The following CHODL variants were observed in gnomAD, a reference collection of about 807,000 sequenced individuals.
The protein encoded by CHODL is transmembrane protein MT75.
In CHODL, 29 loss-of-function variants were observed where a neutral mutation model predicts 34.5. The observed-to-expected ratio is 0.84, with a 90% CI of 0.63 to 1.15. CHODL has a LOEUF of 1.15. Ranked by LOEUF, CHODL falls within the 50% of genes most tolerant of loss-of-function variation. The pLI is 0.00. For synonymous variants in CHODL, 125 were observed against 116.1 expected (o/e 1.08, Z -0.49); for missense variants, 332 against 332.5 (o/e 1.00, Z 0.01).
At chr21:18,095,842 G>C (rs1473301786) in intron 2 of CHODL, among the ~76,000 whole-genome samples, 3 of 152,178 alleles carry the variant, frequency 2.0e-5, no homozygotes, top group African/African-American at 7.2e-5. Flanking sequence ...TGCAAGGATG[G>C]TTCAACATAT....
At chr21:18,120,428 T>G (rs1365295331) in intron 2 of CHODL, among the ~76,000 whole-genome samples, 1 of 152,130 alleles carries the variant, frequency 6.6e-6, no homozygotes, top group Non-Finnish European at 1.5e-5. Flanking sequence ...TGTTTTTCTG[T>G]CCACATCCCT....
chr21:18,192,134 T>C lies in CHODL; in HGVS notation c.-44-64375T>C, dbSNP rs190244183. ...CTGTCCCTCCTTCTCAACACAAGCT[T>C]ATGGCAAGGGAGGATCCTTTCTCTG... is the stretch of plus-strand genomic sequence containing the variant. On this transcript the variant is annotated intron_variant, in intron 2 of 6. Coordinates refer to the CHODL transcript ENST00000400127. Among the ~76,000 whole-genome samples the C allele has an allele frequency of 3.9e-5, 6 of 152,288 alleles. No individual in the cohort carries two copies. The East Asian group carries it at 1.2e-3, about 29-fold the overall frequency.
chr21:18,216,319 G>C (rs566661350), intron 2 of CHODL, among the ~76,000 whole-genome samples: 1 of 152,172 alleles, frequency 6.6e-6, no homozygotes, highest in African/African-American at 2.4e-5. Flanking sequence ...TTTTAAAATA[G>C]ACGATAAATT....
At chr21:18,020,263 AG>A (rs2064115761) in intron 1 of CHODL, among the ~76,000 whole-genome samples, 1 of 152,188 alleles carries the variant, frequency 6.6e-6, no homozygotes, top group Non-Finnish European at 1.5e-5. Context: ...CTGGCCATCT[AG>A]GGCATCAATC....
intron 2 of CHODL, among the ~76,000 whole-genome samples, chr21:18,119,899 C>T (rs1178430165): frequency 6.6e-6 from 1 of 151,998 alleles, no homozygotes; most frequent in African/African-American, 2.4e-5. Flanking sequence ...ATCCAAGCCT[C>T]CGATTTTGAT....
chr21:18,193,630 A>G (rs1354625194), intron 2 of CHODL, among the ~76,000 whole-genome samples: 1 of 151,160 alleles, frequency 6.6e-6, no homozygotes, highest in East Asian at 1.9e-4. Context: ...CAGGAGGCAG[A>G]GGTTGCAGTG....
intron 1 of CHODL, among the ~76,000 whole-genome samples, chr21:17,946,696 A>G (rs1030095101): frequency 3.9e-5 from 6 of 152,044 alleles, no homozygotes; most frequent in East Asian, 1.9e-4. Context: ...TTTAAAGTCT[A>G]TTTTACCTGG....
chr21:18,255,111 TGAAAACCTTTAAGA>T (rs2074300697), intron 1 of CHODL, among the ~76,000 whole-genome samples: 1 of 152,096 alleles, frequency 6.6e-6, no homozygotes. Flanking sequence ...TGCTGTAACA[TGAAAACCTTTAAGA>T]TACAGGTTTA....
chr21:18,255,975 A>T (rs528665818), intron 1 of CHODL, among the ~76,000 whole-genome samples: 2 of 152,228 alleles, frequency 1.3e-5, no homozygotes, highest in South Asian at 4.2e-4. Context: ...AATTACCTTC[A>T]TTCTGTCCCC....
In CHODL at chr21:17,991,562, T is replaced by G. The variant is rs1242597671; in HGVS notation, c.-144-36310T>G. Reference sequence around the variant, plus strand: ...TGTATTCCTCTAATGATTAGTGATTTTGAGCATTTTTTAATATACCTATTG... The same window carrying G: ...TGTATTCCTCTAATGATTAGTGATTGTGAGCATTTTTTAATATACCTATTG... On this transcript the variant is annotated intron_variant, in intron 1 of 6. Transcript: ENST00000400127. Among the ~76,000 whole-genome samples the G allele has an allele frequency of 2.6e-5, 4 of 152,102 alleles. 1 individual carries two copies. In the South Asian group the frequency reaches 8.3e-4, roughly 32 times the overall value.
intron 2 of CHODL, among the ~76,000 whole-genome samples, chr21:18,136,519 C>A (rs1490830476): frequency 6.6e-6 from 1 of 151,974 alleles, no homozygotes; most frequent in South Asian, 2.1e-4. Context: ...AAATGAGGCA[C>A]CACTGAGTGT....
chr21:18,045,915 T>C (rs1344855275), intron 2 of CHODL, among the ~76,000 whole-genome samples: 1 of 151,922 alleles, frequency 6.6e-6, no homozygotes, highest in East Asian at 1.9e-4. Flanking sequence ...CACCAGACAC[T>C]GAACCTGCCA....
intron 2 of CHODL, among the ~76,000 whole-genome samples, chr21:18,178,085 T>G (rs1281537331): frequency 6.6e-6 from 1 of 152,182 alleles, no homozygotes. Flanking sequence ...AATAATTAGC[T>G]TAGAGGTCTC....
chr21:17,979,067 G>T (rs2063694022), intron 1 of CHODL, among the ~76,000 whole-genome samples: 1 of 152,126 alleles, frequency 6.6e-6, no homozygotes, highest in African/African-American at 2.4e-5. Context: ...CATGAAATTG[G>T]ATTGGGCCCA....
chr21:18,047,281 A>T (rs149887640), intron 2 of CHODL, among the ~76,000 whole-genome samples: 140 of 152,048 alleles, frequency 9.2e-4, no homozygotes, highest in African/African-American at 3.1e-3. Context: ...CTTTGAAGCC[A>T]CAGTGATAGA....
chr21:18,162,324 A>G (rs183668759), intron 2 of CHODL, among the ~76,000 whole-genome samples: 55 of 151,250 alleles, frequency 3.6e-4, no homozygotes, highest in Admixed American at 8.6e-4. Flanking sequence ...CCTCTTCCCT[A>G]ATTCTTGGTG....
intron 2 of CHODL, among the ~76,000 whole-genome samples, chr21:18,048,929 T>A (rs553094845): frequency 7.4e-4 from 113 of 151,918 alleles, no homozygotes; most frequent in Middle Eastern, 3.4e-3. Context: ...CACATTTTTT[T>A]AAAAAAAATA....
chr21:18,185,301 C>T (rs2073427693), intron 2 of CHODL, among the ~76,000 whole-genome samples: 1 of 152,106 alleles, frequency 6.6e-6, no homozygotes, highest in African/African-American at 2.4e-5. Context: ...TGTTAGTTTG[C>T]TGAGAATGAT....
chr21:17,945,280 A>G (rs1241157373), intron 1 of CHODL, among the ~76,000 whole-genome samples: 1 of 151,944 alleles, frequency 6.6e-6, no homozygotes, highest in Non-Finnish European at 1.5e-5. Context: ...AAAATGACTA[A>G]AAAAAATTTA....
Sources: gnomAD v4.1 joint callset for allele counts (sites outside exome capture counted in the v4.1 genomes callset) on GRCh38, gnomAD v4.1.1 for gene constraint, MANE v1.5 for transcripts, NCBI Gene and HGNC (gene_info 2026-07-23, HGNC 2026-07-21) for gene names.